The following ZHX2 variants were observed in gnomAD, a reference collection of about 807,000 sequenced individuals.
The protein encoded by ZHX2 is zinc fingers and homeoboxes 2.
A neutral mutation model predicts 21.9 loss-of-function variants in ZHX2; 6 were observed. The ratio of observed to expected loss-of-function variants is 0.27; its 90% confidence interval spans 0.15 to 0.54. ZHX2 has a LOEUF of 0.54. Among genes scored for constraint, ZHX2 ranks in the 20% least tolerant of loss-of-function variants. ZHX2 has a pLI of 0.95. For missense variants in ZHX2, 908 were observed against 1,090.7 expected (o/e 0.83, Z 2.36); for synonymous variants, 434 against 437.1 (o/e 0.99, Z 0.09).
At chr8:122,831,391 A>G (rs1354957897) in intron 1 of ZHX2, among the ~76,000 whole-genome samples, 1 of 152,156 alleles carries the variant, frequency 6.6e-6, no homozygotes, top group East Asian at 1.9e-4. Flanking sequence ...TAGGGCGGAG[A>G]CGTTACAGGA....
At chr8:122,905,665 C>T (rs528171426) in intron 2 of ZHX2, among the ~76,000 whole-genome samples, 1 of 152,294 alleles carries the variant, frequency 6.6e-6, no homozygotes, top group African/African-American at 2.4e-5. Context: ...GTCTGAGTCT[C>T]AAGAAGCCTA....
chr8:122,958,428 T>C (rs1813361018), intron 3 of ZHX2, among the ~76,000 whole-genome samples: 1 of 152,226 alleles, frequency 6.6e-6, no homozygotes, highest in African/African-American at 2.4e-5. Flanking sequence ...GACATCAGCC[T>C]TGATGTTTGG....
At chr8:122,965,442 C>T (rs115845066) in intron 3 of ZHX2, among the ~76,000 whole-genome samples, 3,158 of 152,120 alleles carry the variant, frequency 0.021, 103 homozygotes, top group African/African-American at 0.071. Flanking sequence ...TTAACTTCCA[C>T]GTATTTGTAT....
intron 1 of ZHX2, among the ~76,000 whole-genome samples, chr8:122,842,718 C>A (rs1277492223): frequency 1.3e-5 from 2 of 151,368 alleles, no homozygotes; most frequent in African/African-American, 4.8e-5. Flanking sequence ...AAAAAAAAAA[C>A]AAGCTGTCTC....
intron 1 of ZHX2, among the ~76,000 whole-genome samples, chr8:122,857,624 G>A (rs577273760): frequency 6.8e-4 from 104 of 152,224 alleles, no homozygotes; most frequent in African/African-American, 2.5e-3. Context: ...TGGAGGGAGA[G>A]ATGGCCCAGT....
chr8:122,901,125 C>T (rs1423120855), intron 2 of ZHX2, among the ~76,000 whole-genome samples: 1 of 152,050 alleles, frequency 6.6e-6, no homozygotes, highest in Admixed American at 6.5e-5. Context: ...AATTATTAAG[C>T]AAAGAGTAAT....
chr8:122,911,714 G>A (rs1490860009), intron 2 of ZHX2, among the ~76,000 whole-genome samples: 1 of 152,178 alleles, frequency 6.6e-6, no homozygotes, highest in Non-Finnish European at 1.5e-5. Context: ...GGGGGAGACA[G>A]GCCTAAGCAA....
At chr8:122,947,951 C>T (rs987581110) in intron 2 of ZHX2, among the ~76,000 whole-genome samples, 15 of 151,942 alleles carry the variant, frequency 9.9e-5, no homozygotes, top group Non-Finnish European at 2.1e-4. Flanking sequence ...CTGGAGGTGG[C>T]GGTTTGGGCA....
At chr8:122,864,781 G>A (rs996803040) in intron 2 of ZHX2, among the ~76,000 whole-genome samples, 5 of 152,150 alleles carry the variant, frequency 3.3e-5, no homozygotes, top group East Asian at 1.9e-4. Context: ...CCCACTGAGC[G>A]TGAGAAAAAT....
In ZHX2 at chr8:122,958,531, G is replaced by A. The variant is rs773555468; in HGVS notation, c.*4+4503G>A. 2.6e-5 allele frequency among the ~76,000 whole-genome samples: 4 copies of A among 152,190 alleles called. 1 individual carries two copies. Among genetic ancestry groups the A allele is most frequent in the Non-Finnish European group, 5.9e-5 (4 of 68,034 alleles). ...GCTGCCTTCTAAGCACGTCTACTAAGTCACTTCAACTTCATGCCCACCCTG... is the reference window on the plus strand; with the variant it reads ...GCTGCCTTCTAAGCACGTCTACTAAATCACTTCAACTTCATGCCCACCCTG... On this transcript the variant is annotated intron_variant, in intron 3 of 3. Coordinates refer to ENST00000314393, the MANE Select transcript of ZHX2 (RefSeq NM_014943.5).
intron 1 of ZHX2, among the ~76,000 whole-genome samples, chr8:122,803,935 A>G (rs947271907): frequency 6.6e-6 from 1 of 152,268 alleles, no homozygotes; most frequent in Middle Eastern, 3.4e-3. Context: ...AGGAGAAGCC[A>G]TTAGATGGAG....
intron 2 of ZHX2, among the ~76,000 whole-genome samples, chr8:122,933,919 C>A (rs191132494): frequency 3.9e-5 from 6 of 152,312 alleles, no homozygotes; most frequent in Non-Finnish European, 7.3e-5. Flanking sequence ...GTCTGTAATC[C>A]CAGCACTTTG....
intron 2 of ZHX2, among the ~76,000 whole-genome samples, chr8:122,906,036 T>C (rs1563776048): frequency 6.6e-6 from 1 of 152,130 alleles, no homozygotes; most frequent in Non-Finnish European, 1.5e-5. Flanking sequence ...AGTTAGAAAA[T>C]GTGGAAAAGT....
intron 2 of ZHX2, among the ~76,000 whole-genome samples, chr8:122,869,646 G>T (rs1185518333): frequency 2.0e-5 from 3 of 152,228 alleles, no homozygotes; most frequent in Admixed American, 6.5e-5. Flanking sequence ...CTCCTCTGAG[G>T]CTCTGGTCTC....
chr8:122,862,612 TACTC>T (rs1675399560), intron 1 of ZHX2, among the ~76,000 whole-genome samples: 1 of 152,182 alleles, frequency 6.6e-6, no homozygotes, highest in Non-Finnish European at 1.5e-5. Flanking sequence ...GCGTGGTAAG[TACTC>T]AGTCAACAGA....
At chr8:122,787,009 A>AT (rs1431896335) in intron 1 of ZHX2, among the ~76,000 whole-genome samples, 3 of 136,942 alleles carry the variant, frequency 2.2e-5, no homozygotes, top group Non-Finnish European at 4.6e-5. Context: ...GCAGGTTGTG[A>AT]TTTTAAGAAC....
intron 1 of ZHX2, among the ~76,000 whole-genome samples, chr8:122,798,622 A>G (rs1817657829): frequency 6.6e-6 from 1 of 152,026 alleles, no homozygotes; most frequent in African/African-American, 2.4e-5. Context: ...GTCTCTACTA[A>G]AAATACAAAA....
chr8:122,855,557 A>C (rs1306307461), intron 1 of ZHX2, among the ~76,000 whole-genome samples: 3 of 151,960 alleles, frequency 2.0e-5, no homozygotes, highest in Non-Finnish European at 4.4e-5. Flanking sequence ...AAGTGCTCTT[A>C]CTCAATTCAT....
intron 1 of ZHX2, among the ~76,000 whole-genome samples, chr8:122,818,503 A>G (rs1818077300): frequency 1.3e-5 from 2 of 151,906 alleles, no homozygotes; most frequent in Admixed American, 1.3e-4. Context: ...CTCTCTGCCT[A>G]GTTTCTCGCC....
Sources: allele counts gnomAD v4.1 joint callset (sites outside exome capture counted in the v4.1 genomes callset), GRCh38; gene constraint gnomAD v4.1.1; transcripts MANE v1.5; gene names NCBI Gene and HGNC (gene_info 2026-07-23, HGNC 2026-07-21).